The following NOCT variants were observed in gnomAD, a reference collection of about 807,000 sequenced individuals.
NOCT encodes the protein nocturnin, also known as CCR4 carbon catabolite repression 4-like.
A neutral mutation model predicts 35.0 loss-of-function variants in NOCT; 18 were observed. The observed-to-expected ratio is 0.51, with a 90% CI of 0.36 to 0.76. The LOEUF is 0.76. NOCT is among the 30% of genes least tolerant of loss of function. The pLI, the probability that NOCT is intolerant of heterozygous loss-of-function variation, is 0.01. For missense variants in NOCT, 479 were observed against 541.0 expected (o/e 0.89, Z 1.14); for synonymous variants, 235 against 226.3 (o/e 1.04, Z -0.34).
At chr4:139,021,800 C>T (rs1440667165) in intron 1 of NOCT, among the ~76,000 whole-genome samples, 1 of 150,762 alleles carries the variant, frequency 6.6e-6, no homozygotes, top group East Asian at 1.9e-4. Context: ...CTCTTGTTGC[C>T]CAGGCTGGAG....
chr4:139,025,053 C>T (rs1019821478), intron 1 of NOCT, among the ~76,000 whole-genome samples: 1 of 152,292 alleles, frequency 6.6e-6, no homozygotes, highest in East Asian at 1.9e-4. Context: ...ACCCCTTCCC[C>T]GCTTTTTAAA....
chr4:139,023,257 G>A (rs1403491996), intron 1 of NOCT, among the ~76,000 whole-genome samples: 2 of 152,086 alleles, frequency 1.3e-5, no homozygotes, highest in Non-Finnish European at 2.9e-5. Context: ...TACTTAAACA[G>A]CTCTGTTTGC....
chr4:139,043,303 C>T lies in NOCT; in HGVS notation c.420C>T (p.His140=), dbSNP rs1440910422. ...VDLRTDCPST[H]PPIRVMQWNI... is the part of the protein sequence containing the mutation. ...TGAGGACAGATTGCCCTAGTACCCA[C>T]CCACCTATCAGGGTTATGCAATGGA... The change falls in exon 2 of 3, where the codon CAC becomes CAT. Residue 140 remains histidine (H), a synonymous_variant. Coordinates refer to ENST00000280614, the MANE Select transcript of NOCT (RefSeq NM_012118.4). The T allele has an allele frequency of 1.2e-6, 2 of 1,614,134 alleles. No individual in the cohort carries two copies. Among genetic ancestry groups the T allele is most frequent in the Admixed American group, 1.7e-5 (1 of 60,026 alleles).
At chr4:139,035,769 C>G (rs927384531) in intron 1 of NOCT, among the ~76,000 whole-genome samples, 3 of 152,224 alleles carry the variant, frequency 2.0e-5, no homozygotes, top group African/African-American at 7.2e-5. Flanking sequence ...CCTACCCGAT[C>G]TGCTCCCTCT....
chr4:139,037,562 G>A (rs975997296), intron 1 of NOCT, among the ~76,000 whole-genome samples: 10 of 152,202 alleles, frequency 6.6e-5, no homozygotes, highest in Middle Eastern at 3.4e-3. Flanking sequence ...GAGCCACCAC[G>A]CCTGGCCCAA....
At chr4:139,025,914 C>A (rs968613360) in intron 1 of NOCT, among the ~76,000 whole-genome samples, 2 of 152,076 alleles carry the variant, frequency 1.3e-5, no homozygotes, top group Non-Finnish European at 1.5e-5. Flanking sequence ...ACCAACCTGC[C>A]CAATGATATG....
Position 139,045,933 on chromosome 4 carries a change from A to G in NOCT, c.*459A>G, listed in dbSNP as rs1428618756. The stretch of plus-strand genomic sequence containing the variant: ...AACCTATGGTGAAAAAGGCGTTTGC[A>G]CTCCAATTTTGGCTTGTGTTGTTTT... On this transcript the variant is annotated 3_prime_UTR_variant, in exon 3 of 3. Transcript: ENST00000280614. 6.5e-6 allele frequency: 1 copy of G among 152,700 alleles called. No homozygotes were observed. The highest frequency in any genetic ancestry group is 1.5e-5 in the Non-Finnish European group (1 of 68,332). 9.5% of individuals were successfully genotyped at this position (152,700 alleles called of 1,614,324 possible). A position where few individuals can be genotyped will look rare whatever the true frequency, so the allele number is the denominator to read the frequency against.
intron 1 of NOCT, among the ~76,000 whole-genome samples, chr4:139,039,038 A>G (rs1177364814): frequency 6.6e-6 from 1 of 152,144 alleles, no homozygotes; most frequent in Non-Finnish European, 1.5e-5. Context: ...TTTTAAATGT[A>G]AAAGCCATTC....
chr4:139,020,788 G>C (rs1474457754), intron 1 of NOCT, among the ~76,000 whole-genome samples: 2 of 152,032 alleles, frequency 1.3e-5, no homozygotes, highest in Non-Finnish European at 2.9e-5. Flanking sequence ...TGGTCTGGCC[G>C]GGCACAGTGG....
At chr4:139,027,785 A>G (rs1017172565) in intron 1 of NOCT, among the ~76,000 whole-genome samples, 1 of 152,198 alleles carries the variant, frequency 6.6e-6, no homozygotes, top group Non-Finnish European at 1.5e-5. Context: ...GGCTTGAGCC[A>G]ACGCGCCTGG....
At chr4:139,016,230 C>A in intron 1 of NOCT, 59 bp downstream of exon 1, 1 of 1,107,640 alleles carries the variant, frequency 9.0e-7, no homozygotes, top group Non-Finnish European at 1.1e-6. Context: ...CGGCCGCCAC[C>A]TGGAGACCGC....
chr4:139,042,393 T>C (rs1230999737), intron 1 of NOCT, among the ~76,000 whole-genome samples: 2 of 152,040 alleles, frequency 1.3e-5, no homozygotes, highest in African/African-American at 2.4e-5. Context: ...TTAAGATATA[T>C]AGAAAAAGGA....
At chr4:139,027,640 C>T (rs1396731310) in intron 1 of NOCT, among the ~76,000 whole-genome samples, 2 of 152,038 alleles carry the variant, frequency 1.3e-5, no homozygotes, top group Admixed American at 6.6e-5. Flanking sequence ...GCTGGGACTA[C>T]AGGCGCCCAC....
chr4:139,031,933 G>A (rs556105463), intron 1 of NOCT, among the ~76,000 whole-genome samples: 29 of 151,828 alleles, frequency 1.9e-4, no homozygotes, highest in African/African-American at 6.3e-4. Flanking sequence ...GGCTCGTCTC[G>A]AACTCCTAAC....
chr4:139,033,431 G>C (rs1294725042), intron 1 of NOCT, among the ~76,000 whole-genome samples: 1 of 152,044 alleles, frequency 6.6e-6, no homozygotes. Context: ...AGCACTTTGA[G>C]AGGCTGAGCT....
intron 1 of NOCT, among the ~76,000 whole-genome samples, chr4:139,036,933 CA>C (rs1726747097): frequency 1.3e-5 from 2 of 152,124 alleles, no homozygotes; most frequent in Admixed American, 6.6e-5. Flanking sequence ...CAGCCTGGCA[CA>C]GGGGAGTCCA....
At chr4:139,023,907 C>G (rs945995534) in intron 1 of NOCT, among the ~76,000 whole-genome samples, 1 of 152,240 alleles carries the variant, frequency 6.6e-6, no homozygotes, top group South Asian at 2.1e-4. Flanking sequence ...GCATCTGATG[C>G]GCCCATCCAA....
At chr4:139,042,493 C>G (rs1726850129) in intron 1 of NOCT, among the ~76,000 whole-genome samples, 2 of 152,280 alleles carry the variant, frequency 1.3e-5, no homozygotes, top group South Asian at 4.1e-4. Context: ...CCATCAAGAT[C>G]AAAGTATTTC....
chr4:139,044,003 T>TATATATAC (rs1405359118), intron 2 of NOCT: 13 of 147,074 alleles, frequency 8.8e-5, no homozygotes, highest in South Asian at 2.1e-4. Context: ...TATATATATA[T>TATATATAC]ACACTTTGTT....
Sources: gnomAD v4.1 joint callset for allele counts (sites outside exome capture counted in the v4.1 genomes callset) on GRCh38, gnomAD v4.1.1 for gene constraint, MANE v1.5 for transcripts, NCBI Gene and HGNC (gene_info 2026-07-23, HGNC 2026-07-21) for gene names.